SLC5A4: variants seen among roughly 807,000 people sequenced by gnomAD.
SLC5A4 encodes the protein probable glucose sensor protein SLC5A4.
In SLC5A4, 55 loss-of-function variants were observed where a neutral mutation model predicts 70.3. The ratio of observed to expected loss-of-function variants is 0.78; its 90% confidence interval spans 0.63 to 0.98. The LOEUF (loss-of-function observed/expected upper bound fraction) is 0.98. SLC5A4 is among the 50% of genes least tolerant of loss of function. The pLI, the probability that SLC5A4 is intolerant of heterozygous loss-of-function variation, is 0.00. For synonymous variants in SLC5A4, 268 were observed against 305.7 expected, an observed-to-expected ratio of 0.88 and a Z score of 1.29; for missense variants, 735 against 839.2, an observed-to-expected ratio of 0.88 and a Z score of 1.53.
At chr22:32,270,732 C>T in the SLC5A4 span, 1 of 637,794 alleles carries the variant, frequency 1.6e-6, no homozygotes, top group Non-Finnish European at 2.9e-6. Context: ...TGGGCCTGGT[C>T]ACCCGCAACA....
intron 5 of SLC5A4, among the ~76,000 whole-genome samples, chr22:32,239,556 A>ATATATATATATATATATATATTTT (rs1569374862): frequency 4.8e-5 from 1 of 20,912 alleles, no homozygotes; most frequent in Non-Finnish European, 9.0e-5. Context: ...ATATATATAT[A>ATATATATATATATATATATATTTT]TATATATATA....
chr22:32,257,420 G>A (rs1927542127), upstream of SLC5A4, among the ~76,000 whole-genome samples: 2 of 150,888 alleles, frequency 1.3e-5, no homozygotes, highest in East Asian at 2.0e-4. Context: ...AGTGAGGTAA[G>A]CATGGCTCAG....
At chr22:32,314,791 G>A in the SLC5A4 span, among the ~76,000 whole-genome samples, 68 of 152,276 alleles carry the variant, frequency 4.5e-4, 1 homozygote, top group South Asian at 6.2e-4. Context: ...AGCAAGTCAC[G>A]TCTTATGTGG....
At chr22:32,334,802 C>A in the SLC5A4 span, among the ~76,000 whole-genome samples, 1 of 152,198 alleles carries the variant, frequency 6.6e-6, no homozygotes, top group Non-Finnish European at 1.5e-5. Context: ...GCTTGAGGCC[C>A]TGAAGGGTGA....
the SLC5A4 span, among the ~76,000 whole-genome samples, chr22:32,355,059 A>G: frequency 6.6e-6 from 1 of 151,758 alleles, no homozygotes; most frequent in African/African-American, 2.4e-5. Context: ...AGAGCTTGGA[A>G]TGACAAAACT....
rs776450530 is a variant in SLC5A4 at position 32,218,565 on chromosome 22, G to A, written c.1929C>T (p.Asn643=). 1.9e-6 allele frequency: 3 copies of A among 1,613,844 alleles called. No homozygotes were observed. Among genetic ancestry groups the A allele is most frequent in the South Asian group, 1.1e-5 (1 of 91,078 alleles). The part of the protein sequence containing the change: ...RPSWRTIVNI[N]AILLLAVVVF... ...CCACCACAGCCAGGAGGAGGATGGC[G>A]TTGATGTTCACTATTGTCCTCCACG... The change falls in exon 15 of 15, where the codon AAC becomes AAT. Residue 643 remains asparagine, a synonymous_variant. Coordinates refer to ENST00000266086, the MANE Select transcript of SLC5A4 (RefSeq NM_014227.3).
At chr22:32,271,709 C>A in the SLC5A4 span, 1 of 578,040 alleles carries the variant, frequency 1.7e-6, no homozygotes, top group East Asian at 3.9e-5. Flanking sequence ...CATCAATGGC[C>A]CTGTCAACTC....
the SLC5A4 span, among the ~76,000 whole-genome samples, chr22:32,291,113 G>C: frequency 6.6e-6 from 1 of 151,478 alleles, no homozygotes; most frequent in Non-Finnish European, 1.5e-5. Flanking sequence ...ATTTGGCTTT[G>C]CTGATCCTCT....
At chr22:32,353,567 C>G in the SLC5A4 span, among the ~76,000 whole-genome samples, 1 of 152,046 alleles carries the variant, frequency 6.6e-6, no homozygotes, top group African/African-American at 2.4e-5. Context: ...CTGACACCAC[C>G]AGCACCAGGG....
the SLC5A4 span, among the ~76,000 whole-genome samples, chr22:32,334,380 G>C: frequency 6.6e-6 from 1 of 152,006 alleles, no homozygotes; most frequent in Non-Finnish European, 1.5e-5. Context: ...TCAGACCCTC[G>C]AGTTGTCCTC....
the SLC5A4 span, among the ~76,000 whole-genome samples, chr22:32,300,492 G>T: frequency 6.6e-6 from 1 of 152,056 alleles, no homozygotes; most frequent in Admixed American, 6.5e-5. Context: ...CTTCCCAAGT[G>T]AGGCAATGCC....
chr22:32,306,002 C>G, the SLC5A4 span, among the ~76,000 whole-genome samples: 2 of 152,098 alleles, frequency 1.3e-5, no homozygotes, highest in Non-Finnish European at 2.9e-5. Context: ...CCCCTAACAC[C>G]ACCTTGGCTG....
chr22:32,242,013 AAC>A (rs2145684361), intron 5 of SLC5A4, among the ~76,000 whole-genome samples: 1 of 152,102 alleles, frequency 6.6e-6, no homozygotes, highest in East Asian at 1.9e-4. Context: ...TATTAGTGTG[AAC>A]TCATGATTTC....
chr22:32,251,703 G>A lies in SLC5A4; in HGVS notation c.312+67C>T. The A allele has an allele frequency of 3.2e-6, 3 of 924,014 alleles. No individual in the cohort carries two copies. The South Asian group carries it at 3.9e-5, about 12-fold the overall frequency. 57.2% of individuals were successfully genotyped at this position (924,014 alleles called of 1,614,324 possible). ...CAGCCTGTGATATTCTGTCATAGCA[G>A]CATAAAACATACTAAGACACTGGAT... On this transcript the variant is annotated intron_variant, in intron 3 of 14. Transcript: ENST00000266086.
At chr22:32,307,739 C>CAGGCTTGTCTT in the SLC5A4 span, among the ~76,000 whole-genome samples, 4 of 152,210 alleles carry the variant, frequency 2.6e-5, no homozygotes. Context: ...AGTAAGTGCA[C>CAGGCTTGTCTT]AGGCTTGTCT....
In SLC5A4 at chr22:32,235,040, T is replaced by A; in HGVS notation, c.718A>T (p.Thr240Ser). The A allele has an allele frequency of 6.2e-7, 1 of 1,613,784 alleles. No homozygotes were observed. Among genetic ancestry groups the A allele is most frequent in the Non-Finnish European group, 8.5e-7 (1 of 1,179,946 alleles). Reference sequence around the variant, plus strand: ...TTGTCCCCCTCGACTACGGATGGGGTGGCATTCACGTACTTCTCGGTAAAG... The same window carrying A: ...TTGTCCCCCTCGACTACGGATGGGGAGGCATTCACGTACTTCTCGGTAAAG... The part of the protein sequence containing the change: ...ESFTEKYVNA[T>S]PSVVEGDNLT... Residue 240 changes from threonine (T) to serine (S), a missense_variant, in exon 8 of 15, where the codon ACC becomes TCC. Coordinates refer to ENST00000266086, the MANE Select transcript of SLC5A4 (RefSeq NM_014227.3).
At chr22:32,306,846 G>A in the SLC5A4 span, among the ~76,000 whole-genome samples, 6 of 152,190 alleles carry the variant, frequency 3.9e-5, no homozygotes, top group Admixed American at 2.0e-4. Flanking sequence ...GCTTTAAAAC[G>A]GGAAATGGGG....
chr22:32,301,364 G>A, the SLC5A4 span, among the ~76,000 whole-genome samples: 1 of 152,198 alleles, frequency 6.6e-6, no homozygotes, highest in Non-Finnish European at 1.5e-5. Flanking sequence ...TCTGATAGGT[G>A]TGTAGTGATA....
intron 14 of SLC5A4, among the ~76,000 whole-genome samples, chr22:32,219,237 G>A (rs1924909023): frequency 6.6e-6 from 1 of 152,116 alleles, no homozygotes; most frequent in Non-Finnish European, 1.5e-5. Context: ...TTGTTGCTAG[G>A]GAAGCAAGTC....
Sources: gnomAD v4.1 joint callset for allele counts (sites outside exome capture counted in the v4.1 genomes callset) on GRCh38, gnomAD v4.1.1 for gene constraint, MANE v1.5 for transcripts, NCBI Gene and HGNC (gene_info 2026-07-23, HGNC 2026-07-21) for gene names.